YLPM1: variants seen among roughly 807,000 people sequenced by gnomAD.
YLPM1 encodes the protein YLP motif-containing protein 1.
YLPM1 carries 99 observed loss-of-function variants against 230.0 expected under a neutral mutation model. That is an observed-to-expected ratio of 0.43 (90% CI 0.37 to 0.51). The LOEUF (loss-of-function observed/expected upper bound fraction) is 0.51. YLPM1 is among the 20% of genes least tolerant of loss of function. The pLI, the probability that YLPM1 is intolerant of heterozygous loss-of-function variation, is 0.00. For missense variants in YLPM1, 2,592 were observed against 2,707.7 expected (o/e 0.96, Z 0.95); for synonymous variants, 984 against 942.5 (o/e 1.04, Z -0.81).
At chr14:74,785,141 C>A (rs2091134308) in intron 4 of YLPM1, among the ~76,000 whole-genome samples, 1 of 152,060 alleles carries the variant, frequency 6.6e-6, no homozygotes, top group Non-Finnish European at 1.5e-5. Context: ...TTATCCTGAA[C>A]TTGTGTGGTT....
chr14:74,790,452 A>T (rs536269743), intron 4 of YLPM1, among the ~76,000 whole-genome samples: 42 of 152,206 alleles, frequency 2.8e-4, no homozygotes, highest in Non-Finnish European at 5.1e-4. Flanking sequence ...ATGTTTCTGC[A>T]AATAGTATAA....
chr14:74,794,893 C>A (rs2140104842), intron 4 of YLPM1, among the ~76,000 whole-genome samples: 1 of 152,340 alleles, frequency 6.6e-6, no homozygotes, highest in Non-Finnish European at 1.5e-5. Flanking sequence ...TGTTCTTCCA[C>A]TACTCATTCC....
chr14:74,782,268 G>A lies in YLPM1; in HGVS notation c.2225G>A (p.Gly742Asp). The A allele has an allele frequency of 6.3e-7, 1 of 1,579,632 alleles. No homozygotes were observed. Among genetic ancestry groups the A allele is most frequent in the Non-Finnish European group, 8.5e-7 (1 of 1,171,574 alleles). ...GTGAAGGACATGCCAGTGAGATCAG[G>A]TGGCCTGCTTCCAGATCCTCCTAGA... is the stretch of plus-strand genomic sequence containing the variant. The part of the protein sequence containing the change: ...TAVKDMPVRS[G>D]GLLPDPPRSS... The change falls in exon 4 of 21, where the codon GGT (glycine) becomes GAT (aspartate). Residue 742 changes from glycine to aspartate, a missense_variant. Around this residue, in one of 4 missense-constraint regions of YLPM1, gnomAD observed 1,862 missense variants for 1,819.8 expected, o/e 1.02. Transcript: ENST00000325680.
intron 6 of YLPM1, among the ~76,000 whole-genome samples, chr14:74,807,294 C>A (rs1300364920): frequency 6.6e-6 from 1 of 151,806 alleles, no homozygotes; most frequent in African/African-American, 2.4e-5. Flanking sequence ...AAGTAAAAAA[C>A]CAAAACAAAA....
intron 4 of YLPM1, among the ~76,000 whole-genome samples, chr14:74,787,370 G>C (rs12588874): frequency 6.6e-6 from 1 of 151,624 alleles, no homozygotes; most frequent in Non-Finnish European, 1.5e-5. Flanking sequence ...TGAGACCAGC[G>C]TGGCCAACAT....
chr14:74,820,648 G>A (rs2091514019), intron 16 of YLPM1, among the ~76,000 whole-genome samples: 1 of 152,112 alleles, frequency 6.6e-6, no homozygotes, highest in African/African-American at 2.4e-5. Context: ...TATTTGCGTT[G>A]CTACCACTCT....
intron 10 of YLPM1, among the ~76,000 whole-genome samples, 191 bp from the exon 11 acceptor site, chr14:74,812,437 C>G (rs1263805254): frequency 6.6e-6 from 1 of 152,164 alleles, no homozygotes; most frequent in Non-Finnish European, 1.5e-5. Context: ...TGAAATCATA[C>G]TTAAATCTTC....
chr14:74,831,636 T>C (rs2091609597), intron 19 of YLPM1, among the ~76,000 whole-genome samples: 1 of 152,212 alleles, frequency 6.6e-6, no homozygotes, highest in Non-Finnish European at 1.5e-5. Context: ...TTAAAGTTGC[T>C]CCTCTTTAAG....
intron 4 of YLPM1, among the ~76,000 whole-genome samples, chr14:74,792,303 A>T (rs1250666280): frequency 6.6e-6 from 1 of 152,090 alleles, no homozygotes; most frequent in African/African-American, 2.4e-5. Context: ...AAACATTTTT[A>T]TTTTGCATTA....
chr14:74,763,676 C>T lies in YLPM1; in HGVS notation c.187C>T (p.Gln63Ter). Residue 63 changes from glutamine (Q) to a stop codon, truncating the protein, a stop_gained, in exon 1 of 21, where the codon CAG becomes TAG. Coordinates refer to ENST00000325680, the MANE Select transcript of YLPM1 (RefSeq NM_019589.3). LOFTEE classifies it high-confidence loss of function. ...CGAACAGCACTTGGCGCAGCTCCAGCAGCTGCAGCAGATGCACCAGAAGCA... is the reference window on the plus strand; with the variant it reads ...CGAACAGCACTTGGCGCAGCTCCAGTAGCTGCAGCAGATGCACCAGAAGCA... ...FREQHLAQLQ[Q>*]LQQMHQKQMQ... The T allele has an allele frequency of 6.4e-7, 1 of 1,574,360 alleles. No homozygotes were observed. The highest frequency in any genetic ancestry group is 8.6e-7 in the Non-Finnish European group (1 of 1,156,906).
intron 1 of YLPM1, among the ~76,000 whole-genome samples, chr14:74,770,093 A>C (rs907332625): frequency 6.6e-6 from 1 of 151,464 alleles, no homozygotes; most frequent in African/African-American, 2.4e-5. Context: ...GAGGCAGGAG[A>C]ATGGTGTGAA....
chr14:74,814,683 T>C (rs1484979694), intron 11 of YLPM1, among the ~76,000 whole-genome samples: 2 of 152,248 alleles, frequency 1.3e-5, no homozygotes, highest in African/African-American at 4.8e-5. Flanking sequence ...TGCATCCATA[T>C]TCATAGGAGA....
At chr14:74,797,448 A>G (rs907885035) in intron 4 of YLPM1, 132 bp from the exon 5 acceptor site, 3 of 758,490 alleles carry the variant, frequency 4.0e-6, no homozygotes, top group Non-Finnish European at 6.0e-6. Flanking sequence ...GTGACTCAGG[A>G]TTAATTTAAT....
intron 2 of YLPM1, among the ~76,000 whole-genome samples, chr14:74,778,992 C>T (rs375738022): frequency 2.8e-4 from 42 of 152,242 alleles, no homozygotes; most frequent in African/African-American, 9.4e-4. Context: ...AGGCATGCAC[C>T]ACCATGACCG....
intron 11 of YLPM1, among the ~76,000 whole-genome samples, chr14:74,813,211 GGA>G (rs2091450502): frequency 1.3e-5 from 2 of 152,120 alleles, no homozygotes; most frequent in Admixed American, 6.5e-5. Flanking sequence ...AACTGGTACT[GGA>G]GATTTCAGCC....
intron 13 of YLPM1, 111 bp from the exon 14 acceptor site, chr14:74,816,820 G>C: frequency 7.0e-7 from 1 of 1,425,568 alleles, no homozygotes; most frequent in Non-Finnish European, 9.3e-7. Context: ...TTTAGTACTT[G>C]GGTGTGAAGG....
intron 11 of YLPM1, 107 bp from the exon 12 acceptor site, chr14:74,816,096 G>T: frequency 1.0e-6 from 1 of 982,950 alleles, no homozygotes; most frequent in Non-Finnish European, 1.5e-6. Flanking sequence ...TTCATGGCCT[G>T]TTGTATAGTC....
intron 4 of YLPM1, among the ~76,000 whole-genome samples, chr14:74,782,866 T>C (rs1311600262): frequency 6.6e-6 from 1 of 152,170 alleles, no homozygotes; most frequent in Non-Finnish European, 1.5e-5. Context: ...CCTGCCCCCA[T>C]GGAGCTTACA....
chr14:74,818,705 T>A (rs2091498147), intron 16 of YLPM1, among the ~76,000 whole-genome samples: 2 of 152,226 alleles, frequency 1.3e-5, no homozygotes, highest in African/African-American at 4.8e-5. Context: ...TTTCCTGAAT[T>A]AAATTTCTTG....
Sources: allele counts gnomAD v4.1 joint callset (sites outside exome capture counted in the v4.1 genomes callset), GRCh38; gene constraint gnomAD v4.1.1; regional missense constraint gnomAD v4.1.1; transcripts MANE v1.5; gene names NCBI Gene and HGNC (gene_info 2026-07-23, HGNC 2026-07-21).